ENTHD1: variants seen among roughly 807,000 people sequenced by gnomAD.
ENTHD1 encodes ENTH domain containing 1.
A neutral mutation model predicts 39.1 loss-of-function variants in ENTHD1; 23 were observed. That is an observed-to-expected ratio of 0.59 (90% CI 0.42 to 0.83). The LOEUF (loss-of-function observed/expected upper bound fraction) is 0.83. Ranked by LOEUF, ENTHD1 falls within the 40% of genes least tolerant of loss-of-function variation. ENTHD1 has a pLI of 0.00. For missense variants in ENTHD1, 624 were observed against 705.4 expected, an observed-to-expected ratio of 0.88 and a Z score of 1.31; for synonymous variants, 230 against 258.2, an observed-to-expected ratio of 0.89 and a Z score of 1.05.
chr22:39,839,733 C>G (rs1463572041), intron 3 of ENTHD1, among the ~76,000 whole-genome samples: 1 of 152,140 alleles, frequency 6.6e-6, no homozygotes, highest in Non-Finnish European at 1.5e-5. Flanking sequence ...GCTCGGCATT[C>G]AGCAACTAAA....
At chr22:39,839,865 A>G (rs904526245) in intron 3 of ENTHD1, among the ~76,000 whole-genome samples, 1 of 152,258 alleles carries the variant, frequency 6.6e-6, no homozygotes, top group Admixed American at 6.5e-5. Flanking sequence ...GAAATGTGAA[A>G]GAAAAAATAT....
At chr22:39,889,727 T>C (rs1601674170) in intron 1 of ENTHD1, among the ~76,000 whole-genome samples, 1 of 151,950 alleles carries the variant, frequency 6.6e-6, no homozygotes, top group South Asian at 2.1e-4. Context: ...CTATCACTTC[T>C]TTTTTTTAAA....
intron 5 of ENTHD1, among the ~76,000 whole-genome samples, chr22:39,784,979 A>G (rs1443692397): frequency 6.6e-6 from 1 of 152,202 alleles, no homozygotes; most frequent in Non-Finnish European, 1.5e-5. Flanking sequence ...GGATATCCCA[A>G]GTACACTGAT....
At chr22:39,887,006 G>A (rs1406826045) in intron 2 of ENTHD1, among the ~76,000 whole-genome samples, 1 of 151,898 alleles carries the variant, frequency 6.6e-6, no homozygotes, top group Non-Finnish European at 1.5e-5. Context: ...AAACCTAAGT[G>A]TGTTCACTTT....
At chr22:39,803,708 C>G (rs2065617315) in intron 5 of ENTHD1, among the ~76,000 whole-genome samples, 1 of 152,158 alleles carries the variant, frequency 6.6e-6, no homozygotes, top group South Asian at 2.1e-4. Context: ...GGTTTTGACT[C>G]TAATTTAGGG....
intron 3 of ENTHD1, among the ~76,000 whole-genome samples, chr22:39,855,182 T>C (rs775175807): frequency 3.0e-4 from 46 of 152,310 alleles, no homozygotes; most frequent in Middle Eastern, 3.4e-3. Context: ...CAAATAGCTG[T>C]TTTCAGTAAT....
At chr22:39,843,613 TAAAAG>T (rs1223697843) in intron 3 of ENTHD1, among the ~76,000 whole-genome samples, 2 of 146,686 alleles carry the variant, frequency 1.4e-5, no homozygotes, top group Non-Finnish European at 1.5e-5. Flanking sequence ...AGTATAATAA[TAAAAG>T]AAAAAAAAAA....
intron 1 of ENTHD1, among the ~76,000 whole-genome samples, chr22:39,889,721 C>G (rs1250786566): frequency 6.6e-6 from 1 of 152,098 alleles, no homozygotes; most frequent in Non-Finnish European, 1.5e-5. Flanking sequence ...AATAAACTAT[C>G]ACTTCTTTTT....
chr22:39,752,566 A>G (rs1189500690), intron 6 of ENTHD1, among the ~76,000 whole-genome samples: 1 of 152,220 alleles, frequency 6.6e-6, no homozygotes, highest in East Asian at 1.9e-4. Flanking sequence ...TTAGATTTCA[A>G]TTTTTAAAAA....
intron 5 of ENTHD1, among the ~76,000 whole-genome samples, chr22:39,788,347 G>T (rs984561436): frequency 2.6e-5 from 4 of 152,176 alleles, no homozygotes; most frequent in African/African-American, 9.7e-5. Flanking sequence ...ACTTTGAGGG[G>T]CTCAAGACTT....
At chr22:39,850,003 TTA>T (rs1354460226) in intron 3 of ENTHD1, among the ~76,000 whole-genome samples, 1 of 152,164 alleles carries the variant, frequency 6.6e-6, no homozygotes, top group African/African-American at 2.4e-5. Context: ...AATTTTTTAT[TTA>T]TATTTTTTGT....
chr22:39,834,944 ATAT>A (rs1233454059), intron 4 of ENTHD1, among the ~76,000 whole-genome samples: 2 of 152,110 alleles, frequency 1.3e-5, no homozygotes, highest in African/African-American at 4.8e-5. Flanking sequence ...GATGGAGAAA[ATAT>A]TATTGCCAGA....
intron 6 of ENTHD1, among the ~76,000 whole-genome samples, chr22:39,758,993 T>C (rs2065208212): frequency 6.6e-6 from 1 of 152,230 alleles, no homozygotes; most frequent in African/African-American, 2.4e-5. Flanking sequence ...TTTTCTATGT[T>C]GCTGGATTTG....
intron 6 of ENTHD1, among the ~76,000 whole-genome samples, chr22:39,762,098 T>C (rs1309618767): frequency 6.6e-6 from 1 of 152,202 alleles, no homozygotes; most frequent in Non-Finnish European, 1.5e-5. Flanking sequence ...TTGCCTGGCC[T>C]TTTCAAACTC....
chr22:39,847,358 T>C, intron 3 of ENTHD1, among the ~76,000 whole-genome samples: 2 of 95,120 alleles, frequency 2.1e-5, no homozygotes, highest in Non-Finnish European at 3.8e-5. Context: ...CATCACACTC[T>C]GGGGACTGTT....
chr22:39,779,208 T>C (rs2065388913), intron 5 of ENTHD1, among the ~76,000 whole-genome samples: 1 of 152,042 alleles, frequency 6.6e-6, no homozygotes, highest in African/African-American at 2.4e-5. Context: ...TCCCAGCTAC[T>C]TGGGAGGCTG....
At chr22:39,755,520 G>C (rs2065178359) in intron 6 of ENTHD1, among the ~76,000 whole-genome samples, 1 of 152,184 alleles carries the variant, frequency 6.6e-6, no homozygotes, top group Non-Finnish European at 1.5e-5. Flanking sequence ...TACTCCAGCT[G>C]CTTGATGGAG....
intron 5 of ENTHD1, among the ~76,000 whole-genome samples, chr22:39,770,636 A>G (rs1306092909): frequency 6.6e-6 from 1 of 152,188 alleles, no homozygotes; most frequent in Non-Finnish European, 1.5e-5. Flanking sequence ...ATAACTAATA[A>G]TATAAGTTAC....
chr22:39,770,774 G>C (rs1243674870), intron 5 of ENTHD1, among the ~76,000 whole-genome samples: 1 of 152,194 alleles, frequency 6.6e-6, no homozygotes, highest in Non-Finnish European at 1.5e-5. Context: ...TTGGATGCAA[G>C]TAATTTGCCT....
Sources: allele counts gnomAD v4.1 joint callset (sites outside exome capture counted in the v4.1 genomes callset), GRCh38; gene constraint gnomAD v4.1.1; transcripts MANE v1.5; gene names NCBI Gene and HGNC (gene_info 2026-07-23, HGNC 2026-07-21).